The following TNRC18 variants were observed in gnomAD, a reference collection of about 807,000 sequenced individuals.
TNRC18 encodes trinucleotide repeat-containing gene 18 protein.
A neutral mutation model predicts 226.7 loss-of-function variants in TNRC18; 69 were observed. The observed-to-expected ratio is 0.30, with a 90% CI of 0.25 to 0.37. TNRC18 has a LOEUF of 0.37. TNRC18 is among the 10% of genes least tolerant of loss of function. The pLI is 1.00. For missense variants in TNRC18, 4,754 were observed against 4,256.6 expected, an observed-to-expected ratio of 1.12 and a Z score of -3.25; for synonymous variants, 2,449 against 1,927.6, an observed-to-expected ratio of 1.27 and a Z score of -7.09.
At chr7:5,350,430 G>C (rs893706309) in intron 17 of TNRC18, among the ~76,000 whole-genome samples, 1 of 142,126 alleles carries the variant, frequency 7.0e-6, no homozygotes. Flanking sequence ...TGGAAAAACA[G>C]GGCGGGCGGG....
chr7:5,313,764 G>T lies in TNRC18; in HGVS notation c.7127C>A (p.Pro2376His). The T allele has an allele frequency of 1.3e-6, 2 of 1,552,066 alleles. No homozygotes were observed. The highest frequency in any genetic ancestry group is 1.4e-5 in the African/African-American group (1 of 73,078). The change falls in exon 27 of 30, where the codon CCC becomes CAC. Residue 2376 changes from proline to histidine, a missense_variant. Coordinates refer to ENST00000430969, the MANE Select transcript of TNRC18 (RefSeq NM_001080495.3). Reference sequence around the variant, plus strand: ...GGCTCGCTTGTCCACAGGCTCTGGGGGGCTCTTCTTGGAACCTGGGGTGCT... The same window carrying T: ...GGCTCGCTTGTCCACAGGCTCTGGGTGGCTCTTCTTGGAACCTGGGGTGCT... ...PSSTPGSKKS[P>H]PEPVDKRAKA... is the part of the protein sequence containing the mutation.
At chr7:5,339,295 G>A (rs947510433) in intron 18 of TNRC18, among the ~76,000 whole-genome samples, 14 of 149,368 alleles carry the variant, frequency 9.4e-5, no homozygotes, top group East Asian at 5.8e-4. Context: ...GCTGAAGTAC[G>A]GTGGTGCAGT....
At chr7:5,345,052 G>A (rs934393493) in intron 18 of TNRC18, among the ~76,000 whole-genome samples, 2 of 152,136 alleles carry the variant, frequency 1.3e-5, no homozygotes, top group African/African-American at 4.8e-5. Flanking sequence ...CAGGCCACAT[G>A]AGGCCTGTCC....
intron 2 of TNRC18, among the ~76,000 whole-genome samples, chr7:5,396,170 CA>C (rs1279583174): frequency 0.23 from 11,969 of 52,150 alleles, 1,385 homozygotes; most frequent in African/African-American, 0.42. Flanking sequence ...GACTCTGTCT[CA>C]AAAAAAAAAA....
intron 2 of TNRC18, among the ~76,000 whole-genome samples, chr7:5,411,203 G>A (rs930799313): frequency 5.3e-5 from 7 of 132,872 alleles, no homozygotes; most frequent in Non-Finnish European, 1.1e-4. Context: ...GCTACAGAGT[G>A]AGACTCCATC....
chr7:5,374,862 C>T (rs1236672692), intron 9 of TNRC18, among the ~76,000 whole-genome samples: 1 of 152,244 alleles, frequency 6.6e-6, no homozygotes, highest in Non-Finnish European at 1.5e-5. Context: ...CACTCACTAC[C>T]TGCTAAACCT....
rs868750909 is a variant in TNRC18 at position 5,312,184 on chromosome 7, C to T, written c.8388+319G>A. Among the ~76,000 whole-genome samples the T allele has an allele frequency of 3.9e-5, 6 of 152,304 alleles. No individual in the cohort carries two copies. Among genetic ancestry groups the T allele is most frequent in the South Asian group, 2.1e-4 (1 of 4,822 alleles). The stretch of plus-strand genomic sequence containing the variant: ...CCAGAGGCCTGGAAAGCCCCTTCCA[C>T]GTGGCGCCGACGCCTGTGGGTCTGT... On this transcript the variant is annotated intron_variant, in intron 27 of 29. Transcript: ENST00000430969. This position sits in a 1 kb window ranked among gnomAD's most constrained non-coding sequence, Gnocchi z 6.3.
intron 12 of TNRC18, 89 bp downstream of exon 12, chr7:5,362,561 C>T: frequency 7.7e-7 from 1 of 1,294,294 alleles, no homozygotes. Flanking sequence ...CAAAGCCAGC[C>T]ACGCCCCAGG....
intron 18 of TNRC18, among the ~76,000 whole-genome samples, chr7:5,337,176 C>T (rs572892638): frequency 1.1e-4 from 16 of 151,806 alleles, no homozygotes; most frequent in South Asian, 8.3e-4. Context: ...TGATTAATGG[C>T]GAACTTCTCA....
intron 27 of TNRC18, among the ~76,000 whole-genome samples, chr7:5,310,794 C>T (rs1787097355): frequency 6.6e-6 from 1 of 152,268 alleles, no homozygotes; most frequent in Non-Finnish European, 1.5e-5. Flanking sequence ...TCCTGCCCCA[C>T]ACCTACAGCA....
At chr7:5,380,563 C>G (rs1014965993) in intron 5 of TNRC18, among the ~76,000 whole-genome samples, 4 of 152,196 alleles carry the variant, frequency 2.6e-5, no homozygotes, top group Non-Finnish European at 5.9e-5. Context: ...AGCCGGGCAG[C>G]CCGGCACGGG....
chr7:5,315,919 C>T lies in TNRC18; in HGVS notation c.6862+37G>A, dbSNP rs565775776. The T allele has an allele frequency of 4.0e-6, 6 of 1,503,758 alleles. No homozygotes were observed. In the South Asian group the frequency reaches 6.3e-5, roughly 16 times the overall value. 93.2% of individuals were successfully genotyped at this position (1,503,758 alleles called of 1,614,324 possible). A position where few individuals can be genotyped will look rare whatever the true frequency, so the allele number is the denominator to read the frequency against. On this transcript the variant is annotated intron_variant, in intron 25 of 29. Coordinates refer to ENST00000430969, the MANE Select transcript of TNRC18 (RefSeq NM_001080495.3). ...GGGCGAGAGCCTGGGTGGGCGGCCCCTGGCAGGAGACCGGGTGTCATGAGC... is the reference window on the plus strand; with the variant it reads ...GGGCGAGAGCCTGGGTGGGCGGCCCTTGGCAGGAGACCGGGTGTCATGAGC...
chr7:5,359,297 G>A (rs1030131127), intron 15 of TNRC18, 101 bp downstream of exon 15: 3 of 1,241,878 alleles, frequency 2.4e-6, no homozygotes, highest in African/African-American at 3.0e-5. Flanking sequence ...TAAGGTTTCT[G>A]TACAGGAACA....
At chr7:5,319,213 G>A (rs1390827386) in intron 24 of TNRC18, among the ~76,000 whole-genome samples, 5 of 152,130 alleles carry the variant, frequency 3.3e-5, no homozygotes, top group African/African-American at 1.2e-4. Flanking sequence ...AGTCTTCCTG[G>A]CCTGAGATCC....
At chr7:5,368,416 AC>A (rs1236026195) in intron 11 of TNRC18, among the ~76,000 whole-genome samples, 1 of 152,084 alleles carries the variant, frequency 6.6e-6, no homozygotes, top group Non-Finnish European at 1.5e-5. Context: ...TAATCCCAGC[AC>A]TTTGGGTGGC....
chr7:5,308,905 C>A lies in TNRC18; in HGVS notation c.8670G>T (p.Arg2890=). 5 of 1,604,962 alleles carry A rather than the reference C, an allele frequency of 3.1e-6. No individual in the cohort carries two copies. The highest frequency in any genetic ancestry group is 4.2e-6 in the Non-Finnish European group (5 of 1,177,326). The change falls in exon 29 of 30, where the codon CGG becomes CGT. Residue 2890 remains arginine, a synonymous_variant. Transcript: ENST00000430969. ...TGAAGTCCTTCCTCTGGCTGGAGAC[C>A]CGCAGGGCCGCCGGGAGGCTGCGGC... ...KSSRSLPAAL[R]VSSQRKDFME...
At chr7:5,345,526 A>ACCCACACCCCCCCCCCCCCCCCC in intron 18 of TNRC18, 36 bp downstream of exon 18, 1 of 177,498 alleles carries the variant, frequency 5.6e-6, no homozygotes, top group Non-Finnish European at 1.1e-5. Flanking sequence ...CGCCCCTCCC[A>ACCCACACCCCCCCCCCCCCCCCC]CCCACCCCCA....
chr7:5,340,746 G>A (rs1562515865), intron 18 of TNRC18, among the ~76,000 whole-genome samples: 5 of 144,806 alleles, frequency 3.5e-5, no homozygotes, highest in African/African-American at 2.5e-5. Context: ...CCATCTCAGA[G>A]AAAAAAAAAA....
intron 9 of TNRC18, 77 bp from the exon 10 acceptor site, chr7:5,374,561 C>T (rs1308794185): frequency 2.2e-5 from 31 of 1,425,554 alleles, no homozygotes; most frequent in African/African-American, 1.2e-4. Context: ...CCCTGTCCCC[C>T]CAAGGGTCCC....
Sources: allele counts gnomAD v4.1 joint callset (sites outside exome capture counted in the v4.1 genomes callset), GRCh38; gene constraint gnomAD v4.1.1; non-coding constraint Gnocchi (gnomAD v3.1); transcripts MANE v1.5; gene names NCBI Gene and HGNC (gene_info 2026-07-23, HGNC 2026-07-21).